The following TIAM2 variants were observed in gnomAD, a reference collection of about 807,000 sequenced individuals.
The protein encoded by TIAM2 is rho guanine nucleotide exchange factor TIAM2.
In TIAM2, 80 loss-of-function variants were observed where a neutral mutation model predicts 152.9. The observed-to-expected ratio is 0.52, with a 90% CI of 0.44 to 0.63. The LOEUF (loss-of-function observed/expected upper bound fraction) is 0.63. TIAM2 is among the 30% of genes least tolerant of loss of function. TIAM2 has a pLI of 0.00. For missense variants in TIAM2, 1,965 were observed against 2,120.1 expected (o/e 0.93, Z 1.44); for synonymous variants, 804 against 838.0 (o/e 0.96, Z 0.70).
Position 155,213,602 on chromosome 6 carries a change from G to C in TIAM2, c.3168+2295G>C, listed in dbSNP as rs1018029580. 6.6e-6 allele frequency among the ~76,000 whole-genome samples: 1 copy of C among 152,214 alleles called. No homozygotes were observed. The highest frequency in any genetic ancestry group is 1.9e-4 in the East Asian group (1 of 5,192). The stretch of plus-strand genomic sequence containing the variant: ...TGTGGGACTGGCAGCCCAGCCCCCA[G>C]ACTTCAGGCCTTCCCCGGCTTGAAA... On this transcript the variant is annotated intron_variant, in intron 15 of 26. Coordinates refer to ENST00000682666, the MANE Select transcript of TIAM2 (RefSeq NM_012454.4). This position sits in a 1 kb window ranked among gnomAD's most constrained non-coding sequence, Gnocchi z 4.2.
chr6:155,099,530 A>C (rs1778506289), intron 2 of TIAM2, among the ~76,000 whole-genome samples: 1 of 152,194 alleles, frequency 6.6e-6, no homozygotes, highest in Non-Finnish European at 1.5e-5. Context: ...TGAGTAATTA[A>C]TGATGGTGTG....
chr6:155,164,541 C>T lies in TIAM2; in HGVS notation c.2155C>T (p.Pro719Ser). The T allele has an allele frequency of 1.2e-6, 2 of 1,614,066 alleles. No homozygotes were observed. Among genetic ancestry groups the T allele is most frequent in the Non-Finnish European group, 1.7e-6 (2 of 1,180,014 alleles). The change falls in exon 8 of 27, where the codon CCC becomes TCC. Residue 719 changes from proline (P) to serine (S), a missense_variant. Pro to Ser is a moderately conservative substitution (Grantham distance 74, BLOSUM62 -1). Coordinates refer to ENST00000682666, the MANE Select transcript of TIAM2 (RefSeq NM_012454.4). The part of the protein sequence containing the change: ...PKSLLAAASR[P>S]SKLALGRLGI... ...GAGTCTCCTTGCAGCCGCCAGCCGC[C>T]CCTCCAAGCTGGCCCTCGGCAGGCT...
At chr6:155,217,231 G>A in intron 15 of TIAM2, 1 of 898,830 alleles carries the variant, frequency 1.1e-6, no homozygotes, top group Non-Finnish European at 1.5e-6. Context: ...GAGAAGAGAT[G>A]CCTTTCTCCC....
Position 155,254,047 on chromosome 6 carries a change from C to G in TIAM2, c.4300C>G (p.Gln1434Glu). ...EIEGRPETIF[Q>E]LCCSDSESKT... The stretch of plus-strand genomic sequence containing the variant: ...AGAAGGACGGCCAGAAACCATCTTT[C>G]AGTTGTGTTGCAGGTATGACTGACT... Residue 1434 changes from glutamine to glutamate, a missense_variant, in exon 25 of 27, where the codon CAG becomes GAG. Gln to Glu is a conservative substitution (Grantham distance 29, BLOSUM62 2). This residue lies in a region of TIAM2 where 935 missense variants were observed against 980.0 expected (regional missense o/e 0.95). Transcript: ENST00000682666. 6.2e-7 allele frequency: 1 copy of G among 1,614,078 alleles called. No homozygotes were observed. The highest frequency in any genetic ancestry group is 8.5e-7 in the Non-Finnish European group (1 of 1,179,972).
rs1210037796 is a variant in TIAM2, at chr6:155,041,956, ACT to A, written c.-209+46467_-209+46468del. ...GTTTTGTATTGGAATCTGTTCCCTC[ACT>A]CTGGCAGGCTGGCTCAAAGCCAGCG... On this transcript the variant is annotated intron_variant, in intron 1 of 26. Transcript: ENST00000682666. Among the ~76,000 whole-genome samples the A allele has an allele frequency of 2.6e-5, 4 of 151,906 alleles. No homozygotes were observed. The East Asian group carries it at 7.8e-4, about 30-fold the overall frequency.
chr6:155,143,893 G>A (rs1041164543), intron 5 of TIAM2, among the ~76,000 whole-genome samples: 2 of 152,040 alleles, frequency 1.3e-5, no homozygotes, highest in African/African-American at 2.4e-5. Context: ...AAAACAAGCC[G>A]AAAGCTGAGT....
At chr6:155,001,919 A>C (rs974070695) in intron 1 of TIAM2, among the ~76,000 whole-genome samples, 21 of 152,222 alleles carry the variant, frequency 1.4e-4, no homozygotes, top group Non-Finnish European at 2.8e-4. Context: ...TGCTGGTGAA[A>C]GTGAAGGATT....
rs1178568990 is a variant in TIAM2 at position 155,084,194 on chromosome 6, G to C, written c.-208-6095G>C. Among the ~76,000 whole-genome samples, 3 of 152,128 alleles carry C rather than the reference G, an allele frequency of 2.0e-5. No individual in the cohort carries two copies. The East Asian group carries it at 5.8e-4, about 29-fold the overall frequency. ...TATTTGAGTCTTACTTGAAGACAGGGATAGGGGCCACTCTGGTGGGGTAGG... is the reference window on the plus strand; with the variant it reads ...TATTTGAGTCTTACTTGAAGACAGGCATAGGGGCCACTCTGGTGGGGTAGG... On this transcript the variant is annotated intron_variant, in intron 1 of 26. Transcript: ENST00000682666.
At chr6:155,171,553 GAA>G (rs199847364) in intron 9 of TIAM2, among the ~76,000 whole-genome samples, 1 of 146,436 alleles carries the variant, frequency 6.8e-6, no homozygotes, top group African/African-American at 2.5e-5. Context: ...GCTGTAAACT[GAA>G]AAAAAAACCT....
Position 155,177,785 on chromosome 6 carries a change from C to G in TIAM2, c.2523+808C>G, listed in dbSNP as rs1193138914. Among the ~76,000 whole-genome samples the G allele has an allele frequency of 9.9e-5, 15 of 152,092 alleles. 1 individual carries two copies. The highest frequency in any genetic ancestry group is 8.3e-4 in the South Asian group (4 of 4,808). ...TTAGGAACTTAATTTCCTTTTGCTCCCATATGTAACGTTTTTATTCAGAAA... is the reference window on the plus strand; with the variant it reads ...TTAGGAACTTAATTTCCTTTTGCTCGCATATGTAACGTTTTTATTCAGAAA... On this transcript the variant is annotated intron_variant, in intron 10 of 26. Coordinates refer to ENST00000682666, the MANE Select transcript of TIAM2 (RefSeq NM_012454.4).
rs559994750 is a variant in TIAM2 at position 155,203,547 on chromosome 6, A to G, written c.3065-7657A>G. On this transcript the variant is annotated intron_variant, in intron 14 of 26. Transcript: ENST00000682666. The stretch of plus-strand genomic sequence containing the variant: ...TAAATGTCAGAGACGTGTAACTCTA[A>G]TGCCAAAGTGGATTATGTAGTTGAA... Among the ~76,000 whole-genome samples, 16 of 152,352 alleles carry G rather than the reference A, an allele frequency of 1.1e-4. No individual in the cohort carries two copies. In the South Asian group the frequency reaches 1.9e-3, roughly 18 times the overall value.
In TIAM2 at chr6:155,137,947, G is replaced by A. The variant is rs538143019; in HGVS notation, c.1630+335G>A. Among the ~76,000 whole-genome samples the A allele has an allele frequency of 6.6e-5, 10 of 152,088 alleles. No individual in the cohort carries two copies. The South Asian group carries it at 2.1e-3, about 32-fold the overall frequency. On this transcript the variant is annotated intron_variant, in intron 5 of 26. Transcript: ENST00000682666. ...TGCCTCCCAGGCTCAAGCAATTCTC[G>A]TGCCTCAGCCTCCTGAGTAGCTGGA... is the stretch of plus-strand genomic sequence containing the variant.
chr6:155,077,827 C>G (rs2114962561), intron 1 of TIAM2, among the ~76,000 whole-genome samples: 1 of 152,234 alleles, frequency 6.6e-6, no homozygotes, highest in African/African-American at 2.4e-5. Context: ...CAAACCCTAC[C>G]AAGTGGCAGA....
intron 9 of TIAM2, among the ~76,000 whole-genome samples, 166 bp from the exon 10 acceptor site, chr6:155,176,650 T>G: frequency 6.6e-6 from 1 of 152,212 alleles, no homozygotes; most frequent in African/African-American, 2.4e-5. Context: ...TCTGATAAAA[T>G]GAGTGAGGAA....
In TIAM2 at chr6:155,183,466, A is replaced by G. The variant is rs951942756; in HGVS notation, c.3030A>G (p.Glu1010=). 4.3e-6 allele frequency: 7 copies of G among 1,613,628 alleles called. No individual in the cohort carries two copies. The highest frequency in any genetic ancestry group is 5.9e-6 in the Non-Finnish European group (7 of 1,179,902). ...CTAACCAGTCCCAACTGCTGGAGGA[A>G]TTCCTGGATAACTTTAAAAAGAATA... ...PPPNQSQLLE[E]FLDNFKKNTA... Residue 1010 remains glutamate, a synonymous_variant, in exon 14 of 27, where the codon GAA becomes GAG. Coordinates refer to ENST00000682666, the MANE Select transcript of TIAM2 (RefSeq NM_012454.4).
At chr6:155,204,413 G>A (rs968443046) in intron 14 of TIAM2, among the ~76,000 whole-genome samples, 3 of 151,906 alleles carry the variant, frequency 2.0e-5, no homozygotes, top group African/African-American at 4.8e-5. Flanking sequence ...GCTTCCTCAC[G>A]GCTTCTGGAG....
rs934475550 is a variant in TIAM2, at chr6:155,218,921, C to T, written c.3168+7614C>T. Among the ~76,000 whole-genome samples the T allele has an allele frequency of 2.8e-5, 4 of 143,304 alleles. No individual in the cohort carries two copies. Among genetic ancestry groups the T allele is most frequent in the Non-Finnish European group, 6.1e-5 (4 of 65,676 alleles). The allele number at this position is 143,304 out of a possible 152,430, so 94.0% of individuals were successfully genotyped here. On this transcript the variant is annotated intron_variant, in intron 15 of 26. Coordinates refer to ENST00000682666, the MANE Select transcript of TIAM2 (RefSeq NM_012454.4). The surrounding 1 kb of genome is among the most constrained non-coding windows in gnomAD (Gnocchi z 4.5). Reference sequence around the variant, plus strand: ...CACCCGTGTTCTTGACCATCTCAGCCGTGTTCTTGACCATCTCAGCCGCCC... The same window carrying T: ...CACCCGTGTTCTTGACCATCTCAGCTGTGTTCTTGACCATCTCAGCCGCCC...
Position 155,186,457 on chromosome 6 carries a change from G to T in TIAM2, c.3064+2957G>T, listed in dbSNP as rs904794859. Among the ~76,000 whole-genome samples, 4 of 152,064 alleles carry T rather than the reference G, an allele frequency of 2.6e-5. No homozygotes were observed. Among genetic ancestry groups the T allele is most frequent in the African/African-American group, 9.7e-5 (4 of 41,386 alleles). ...TACCCCTTCCTTTGGGAATCTCGGG[G>T]TCACCTTCCAAATAAACTTCTGTAC... On this transcript the variant is annotated intron_variant, in intron 14 of 26. Transcript: ENST00000682666. The surrounding 1 kb of genome is among the most constrained non-coding windows in gnomAD (Gnocchi z 4.5).
chr6:155,111,957 G>C (rs1778863123), intron 2 of TIAM2, among the ~76,000 whole-genome samples: 1 of 151,962 alleles, frequency 6.6e-6, no homozygotes, highest in African/African-American at 2.4e-5. Context: ...ACCCCATTCT[G>C]CCCTTGTCCT....
Sources: gnomAD v4.1 joint callset for allele counts (sites outside exome capture counted in the v4.1 genomes callset) on GRCh38, gnomAD v4.1.1 for gene constraint, gnomAD v4.1.1 regional missense constraint, Gnocchi (gnomAD v3.1) non-coding constraint, MANE v1.5 for transcripts, NCBI Gene and HGNC (gene_info 2026-07-23, HGNC 2026-07-21) for gene names.